UNC13B: variants seen among roughly 807,000 people sequenced by gnomAD.
The protein encoded by UNC13B is unc-13 homolog B, also known as protein unc-13 homolog B.
A neutral mutation model predicts 211.0 loss-of-function variants in UNC13B; 144 were observed. The ratio of observed to expected loss-of-function variants is 0.68; its 90% CI spans 0.60 to 0.78. The LOEUF (loss-of-function observed/expected upper bound fraction) is 0.78, where lower values mean the gene tolerates loss of function less well. UNC13B is among the 30% of genes least tolerant of loss of function. The probability of loss-of-function intolerance (pLI) is 0.00; values close to 1 mark genes in which losing one functional copy is unlikely to be tolerated. For synonymous variants in UNC13B, 709 were observed against 725.8 expected, an observed-to-expected ratio of 0.98 and a Z score of 0.37; for missense variants, 1,777 against 2,002.0, an observed-to-expected ratio of 0.89 and a Z score of 2.14.
At chr9:35,190,707 C>A (rs1822611500) in intron 1 of UNC13B, among the ~76,000 whole-genome samples, 2 of 152,074 alleles carry the variant, frequency 1.3e-5, no homozygotes, top group Admixed American at 6.5e-5. Flanking sequence ...AGAAAAAAGA[C>A]TTTTTCCAGA....
At chr9:35,391,211 G>A (rs2132314033) in intron 26 of UNC13B, among the ~76,000 whole-genome samples, 1 of 152,272 alleles carries the variant, frequency 6.6e-6, no homozygotes, top group Non-Finnish European at 1.5e-5. Context: ...CAGGGCCACA[G>A]GCAAATTATT....
intron 18 of UNC13B, 29 bp from the exon 19 acceptor site, chr9:35,381,064 CATTGGTG>C: frequency 1.3e-6 from 2 of 1,587,078 alleles, no homozygotes; most frequent in Non-Finnish European, 1.7e-6. Context: ...TGTCTAGTTG[CATTGGTG>C]TCAATCTCCA....
rs528384411 is a variant in UNC13B, at chr9:35,358,515, A to G, written c.9415-8432A>G. ...GTAATAGCCATTGTAATGGGTATGA[A>G]GTAGAGCACAAAAGTTTTAAATTTT... On this transcript the variant is annotated intron_variant, in intron 11 of 39. Transcript: ENST00000635942. Among the ~76,000 whole-genome samples, 24 of 152,224 alleles carry G rather than the reference A, an allele frequency of 1.6e-4. 1 individual carries two copies. In the South Asian group the frequency reaches 4.8e-3, roughly 30 times the overall value.
At chr9:35,379,080 A>C (rs185390512) in intron 17 of UNC13B, among the ~76,000 whole-genome samples, 2 of 152,326 alleles carry the variant, frequency 1.3e-5, no homozygotes, top group Admixed American at 1.3e-4. Flanking sequence ...GCCTAGGGTC[A>C]GGATTTTGGA....
At chr9:35,329,546 G>A (rs544783460) in intron 11 of UNC13B, among the ~76,000 whole-genome samples, 1 of 151,002 alleles carries the variant, frequency 6.6e-6, no homozygotes. Flanking sequence ...GGAGTGCAGT[G>A]GTGCGATCTT....
intron 7 of UNC13B, among the ~76,000 whole-genome samples, chr9:35,273,446 A>C (rs1244213517): frequency 6.6e-6 from 1 of 152,182 alleles, no homozygotes; most frequent in Non-Finnish European, 1.5e-5. Context: ...GCTTTCCACT[A>C]GTTTTCAGCC....
rs1564097599 is a variant in UNC13B, at chr9:35,257,309, A to ATATAAATATTTATAAAAATATTTT, written c.469-1661_469-1660insTTATAAATATTTATAAAAATATTT. ...CCCCCATTTTTTATATTTATAAAAA[A>ATATAAATATTTATAAAAATATTTT]TATAAATATTTATAAAAATATTTAT... is the stretch of plus-strand genomic sequence containing the variant. On this transcript the variant is annotated intron_variant, in intron 6 of 39. Transcript: ENST00000635942. Among the ~76,000 whole-genome samples the ATATAAATATTTATAAAAATATTTT allele has an allele frequency of 1.3e-3, 125 of 99,106 alleles. 3 individuals are homozygous for ATATAAATATTTATAAAAATATTTT. Among genetic ancestry groups the ATATAAATATTTATAAAAATATTTT allele is most frequent in the East Asian group, 5.5e-3 (22 of 4,028 alleles). The allele number at this position is 99,106 out of a possible 152,430, so 65.0% of individuals were successfully genotyped here.
chr9:35,230,182 C>CT (rs1034587493), intron 2 of UNC13B, among the ~76,000 whole-genome samples: 1 of 152,058 alleles, frequency 6.6e-6, no homozygotes, highest in Non-Finnish European at 1.5e-5. Flanking sequence ...GATAATATTT[C>CT]TTTTTTTGGC....
chr9:35,390,913 G>T (rs909239705), intron 26 of UNC13B, among the ~76,000 whole-genome samples, 199 bp downstream of exon 26: 1 of 152,212 alleles, frequency 6.6e-6, no homozygotes. Flanking sequence ...TATGAAAATG[G>T]CTGTGTGGAT....
At chr9:35,178,322 C>A (rs1435600728) in intron 1 of UNC13B, among the ~76,000 whole-genome samples, 1 of 151,960 alleles carries the variant, frequency 6.6e-6, no homozygotes, top group Non-Finnish European at 1.5e-5. Flanking sequence ...CTAGTCTGGG[C>A]AACATGGCAA....
intron 1 of UNC13B, among the ~76,000 whole-genome samples, chr9:35,194,081 C>T (rs1328428629): frequency 6.6e-6 from 1 of 151,996 alleles, no homozygotes; most frequent in Non-Finnish European, 1.5e-5. Context: ...CTCTCCAGAC[C>T]AAGGGCAGGG....
intron 1 of UNC13B, 120 bp downstream of exon 1, chr9:35,162,425 C>G: frequency 1.4e-5 from 18 of 1,303,916 alleles, no homozygotes; most frequent in Non-Finnish European, 1.8e-5. Context: ...CTTTGGGGGT[C>G]TATTATTTTG....
intron 11 of UNC13B, among the ~76,000 whole-genome samples, chr9:35,329,242 A>G (rs1236090756): frequency 6.6e-6 from 1 of 152,150 alleles, no homozygotes; most frequent in African/African-American, 2.4e-5. Flanking sequence ...CAGGTATCTT[A>G]GAATGTGACA....
chr9:35,233,092 G>C (rs1329935029), intron 3 of UNC13B, among the ~76,000 whole-genome samples: 1 of 152,146 alleles, frequency 6.6e-6, no homozygotes, highest in Non-Finnish European at 1.5e-5. Context: ...ATGAGACCGA[G>C]AGCACCTGTT....
intron 11 of UNC13B, among the ~76,000 whole-genome samples, chr9:35,330,397 G>GT (rs1831301743): frequency 1.3e-5 from 2 of 152,264 alleles, no homozygotes; most frequent in South Asian, 2.1e-4. Flanking sequence ...TGACACTGCT[G>GT]TTTTTTTGGC....
chr9:35,259,022 G>T lies in UNC13B; in HGVS notation c.498G>T (p.Lys166Asn), dbSNP rs147253508. The T allele has an allele frequency of 1.9e-6, 3 of 1,613,768 alleles. No individual in the cohort carries two copies. In the African/African-American group the frequency reaches 4.0e-5, roughly 22 times the overall value. Residue 166 changes from lysine to asparagine, a missense_variant, in exon 7 of 40, where the codon AAG becomes AAT. Coordinates refer to ENST00000635942, the MANE Select transcript of UNC13B (RefSeq NM_001371189.2). Reference sequence around the variant, plus strand: ...CTAGTCAAGAAGAAAGCCAGAGGAAGCCATTGCCCACTGCTGCCGCCCAGT... The same window carrying T: ...CTAGTCAAGAAGAAAGCCAGAGGAATCCATTGCCCACTGCTGCCGCCCAGT... ...EYSSQEESQR[K>N]PLPTAAAQCS...
At chr9:35,354,901 G>C (rs2132084872) in intron 11 of UNC13B, among the ~76,000 whole-genome samples, 1 of 152,296 alleles carries the variant, frequency 6.6e-6, no homozygotes, top group Non-Finnish European at 1.5e-5. Flanking sequence ...TTACAGGAAT[G>C]TATCCTGCAG....
Position 35,381,000 on chromosome 9 carries a change from C to T in UNC13B, c.10376-100C>T, listed in dbSNP as rs74498449. On this transcript the variant is annotated intron_variant, in intron 18 of 39. Transcript: ENST00000635942. ...GTCCTTGGGTTGGCCCCTTCTTTTCCTTGGGTTGGCCCCTTCTCTTCCTTG... is the reference window on the plus strand; with the variant it reads ...GTCCTTGGGTTGGCCCCTTCTTTTCTTTGGGTTGGCCCCTTCTCTTCCTTG... 8.5e-6 allele frequency: 10 copies of T among 1,175,638 alleles called. No individual in the cohort carries two copies. In the African/African-American group the frequency reaches 1.7e-4, roughly 19 times the overall value. The allele number at this position is 1,175,638 out of a possible 1,614,324, so 72.8% of individuals were successfully genotyped here.
At position 35,248,236 on chromosome 9, in the gene UNC13B, C is replaced by A. The variant is rs541418682; in HGVS notation, c.468+4872C>A. Among the ~76,000 whole-genome samples the A allele has an allele frequency of 2.4e-4, 36 of 151,900 alleles. No individual in the cohort carries two copies. In the East Asian group the frequency reaches 6.8e-3, roughly 28 times the overall value. ...CATTTTTTACTGTGTCTATTTGATT[C>A]TTCTCTCTTTTCTTCTTTATTAGTC... On this transcript the variant is annotated intron_variant, in intron 6 of 39. Coordinates refer to ENST00000635942, the MANE Select transcript of UNC13B (RefSeq NM_001371189.2).
Sources: allele counts gnomAD v4.1 joint callset (sites outside exome capture counted in the v4.1 genomes callset), GRCh38; gene constraint gnomAD v4.1.1; transcripts MANE v1.5; gene names NCBI Gene and HGNC (gene_info 2026-07-23, HGNC 2026-07-21).